The following PTPRD variants were observed in gnomAD, a reference collection of about 807,000 sequenced individuals.
PTPRD encodes the protein protein tyrosine phosphatase receptor type D.
PTPRD carries 34 observed loss-of-function variants against 214.5 expected under a neutral mutation model. The observed-to-expected ratio is 0.16, with a 90% CI of 0.12 to 0.21. The LOEUF (loss-of-function observed/expected upper bound fraction) is 0.21. Ranked by LOEUF, PTPRD falls within the 10% of genes least tolerant of loss-of-function variation. The pLI is 1.00. For missense variants in PTPRD, 2,545 were observed against 2,398.7 expected, an observed-to-expected ratio of 1.06 and a Z score of -1.27; for synonymous variants, 1,128 against 845.7, an observed-to-expected ratio of 1.33 and a Z score of -5.79.
At chr9:8,796,455 A>G (rs1260913950) in intron 11 of PTPRD, among the ~76,000 whole-genome samples, 1 of 152,180 alleles carries the variant, frequency 6.6e-6, no homozygotes, top group African/African-American at 2.4e-5. Flanking sequence ...AGCTCAGAGT[A>G]AGTGAGTATT....
intron 11 of PTPRD, among the ~76,000 whole-genome samples, chr9:8,796,110 C>G (rs2096412621): frequency 6.6e-6 from 1 of 152,058 alleles, no homozygotes; most frequent in Non-Finnish European, 1.5e-5. Context: ...CTGTTGGTAG[C>G]CACAGCAGAA....
chr9:10,022,719 C>T (rs982383448), intron 4 of PTPRD, among the ~76,000 whole-genome samples: 7 of 152,132 alleles, frequency 4.6e-5, no homozygotes, highest in African/African-American at 1.4e-4. Flanking sequence ...TTAAGATTTA[C>T]ATTGACTAAG....
intron 2 of PTPRD, among the ~76,000 whole-genome samples, chr9:10,559,709 G>C (rs917911198): frequency 4.6e-5 from 7 of 151,826 alleles, no homozygotes; most frequent in Admixed American, 6.6e-5. Flanking sequence ...AACAAATTCA[G>C]AAGAAAAAAA....
intron 9 of PTPRD, among the ~76,000 whole-genome samples, chr9:9,222,209 C>G (rs1443566887): frequency 6.6e-6 from 1 of 151,942 alleles, no homozygotes; most frequent in Non-Finnish European, 1.5e-5. Flanking sequence ...GTTACTATAG[C>G]CTGTGATAGA....
At chr9:9,749,110 C>G (rs898760281) in intron 6 of PTPRD, among the ~76,000 whole-genome samples, 8 of 152,086 alleles carry the variant, frequency 5.3e-5, no homozygotes, top group Non-Finnish European at 8.8e-5. Context: ...TCCTCTGATT[C>G]TAAAGTTTGG....
intron 4 of PTPRD, among the ~76,000 whole-genome samples, chr9:9,999,313 T>C (rs1260047457): frequency 6.6e-6 from 1 of 152,142 alleles, no homozygotes; most frequent in Non-Finnish European, 1.5e-5. Flanking sequence ...TGAATCTCAA[T>C]GTGGAGAAAT....
chr9:10,537,912 G>A (rs2058214780), intron 2 of PTPRD, among the ~76,000 whole-genome samples: 1 of 151,982 alleles, frequency 6.6e-6, no homozygotes, highest in African/African-American at 2.4e-5. Context: ...CAGATTCTCA[G>A]GCCCCAACCC....
At chr9:8,674,068 C>T (rs770516217) in intron 12 of PTPRD, among the ~76,000 whole-genome samples, 8 of 151,948 alleles carry the variant, frequency 5.3e-5, no homozygotes, top group Non-Finnish European at 1.2e-4. Flanking sequence ...GGAGCTAAGA[C>T]GGAATAAAGA....
At chr9:9,295,640 C>T (rs1952743296) in intron 9 of PTPRD, among the ~76,000 whole-genome samples, 1 of 151,712 alleles carries the variant, frequency 6.6e-6, no homozygotes, top group African/African-American at 2.4e-5. Context: ...TGACTTTTCT[C>T]TCAAAAGTAA....
At chr9:9,198,655 CTT>C (rs2099940076) in intron 9 of PTPRD, among the ~76,000 whole-genome samples, 1 of 152,106 alleles carries the variant, frequency 6.6e-6, no homozygotes, top group African/African-American at 2.4e-5. Flanking sequence ...CAAATGCAAA[CTT>C]AGGAGTTAGT....
intron 2 of PTPRD, among the ~76,000 whole-genome samples, chr9:10,364,884 C>T (rs2097484274): frequency 6.6e-6 from 1 of 152,134 alleles, no homozygotes; most frequent in Non-Finnish European, 1.5e-5. Context: ...TTAGACATCC[C>T]CACTTAACGC....
chr9:10,383,055 T>C (rs1407922), intron 2 of PTPRD, among the ~76,000 whole-genome samples: 127,585 of 151,746 alleles, frequency 0.84, 53,744 homozygotes, highest in East Asian at 0.9. Flanking sequence ...TAAGTCATTG[T>C]TCATATTTTT....
At chr9:9,729,469 GA>G (rs559479870) in intron 7 of PTPRD, among the ~76,000 whole-genome samples, 7 of 152,180 alleles carry the variant, frequency 4.6e-5, no homozygotes, top group East Asian at 1.9e-4. Flanking sequence ...AAGGTGGAAG[GA>G]AAATATGATT....
chr9:10,410,268 T>TATATATAC (rs1565857705), intron 2 of PTPRD, among the ~76,000 whole-genome samples: 1 of 134,040 alleles, frequency 7.5e-6, no homozygotes, highest in Non-Finnish European at 1.6e-5. Context: ...TATATATATA[T>TATATATAC]ATACACACAC....
At chr9:9,441,878 G>A (rs67141364) in intron 8 of PTPRD, among the ~76,000 whole-genome samples, 3 of 152,094 alleles carry the variant, frequency 2.0e-5, no homozygotes, top group Admixed American at 6.5e-5. Context: ...CTGAAACATC[G>A]CCTATGTGAT....
chr9:8,944,153 C>A (rs991163939), intron 11 of PTPRD, among the ~76,000 whole-genome samples: 2 of 152,038 alleles, frequency 1.3e-5, no homozygotes, highest in Non-Finnish European at 2.9e-5. Context: ...TGGAAAGATG[C>A]TCAACATCAC....
chr9:9,357,673 A>G (rs2054330647), intron 9 of PTPRD, among the ~76,000 whole-genome samples: 1 of 150,954 alleles, frequency 6.6e-6, no homozygotes, highest in Non-Finnish European at 1.5e-5. Context: ...CCACAATAAA[A>G]TTATTAAATC....
Position 9,382,396 on chromosome 9 carries a change from C to T in PTPRD, c.-203+15053G>A, listed in dbSNP as rs755846663. Among the ~76,000 whole-genome samples the T allele has an allele frequency of 1.1e-4, 17 of 152,074 alleles. No individual in the cohort carries two copies. The Middle Eastern group carries it at 0.02, about 183-fold the overall frequency. ...TCAACAAAATTAAAAAGGTCATCTACGAATGGGAGAAAATGTTTGCAAACC... is the reference window on the plus strand; with the variant it reads ...TCAACAAAATTAAAAAGGTCATCTATGAATGGGAGAAAATGTTTGCAAACC... On this transcript the variant is annotated intron_variant, in intron 9 of 45. Transcript: ENST00000381196.
chr9:10,224,356 T>C (rs909407949), intron 3 of PTPRD, among the ~76,000 whole-genome samples: 17 of 152,020 alleles, frequency 1.1e-4, no homozygotes, highest in African/African-American at 3.9e-4. Flanking sequence ...GAACTTACTA[T>C]TGTCTATTCT....
Sources: gnomAD v4.1 joint callset for allele counts (sites outside exome capture counted in the v4.1 genomes callset) on GRCh38, gnomAD v4.1.1 for gene constraint, MANE v1.5 for transcripts, NCBI Gene and HGNC (gene_info 2026-07-23, HGNC 2026-07-21) for gene names.